Variants in SENP7 observed in about 807,000 individuals in gnomAD.
SENP7 encodes sentrin-specific protease 7.
SENP7 carries 64 observed loss-of-function variants against 141.2 expected under a neutral mutation model. That is an observed-to-expected ratio of 0.45 (90% CI 0.37 to 0.56). The LOEUF is 0.56. Among genes scored for constraint, SENP7 ranks in the 20% least tolerant of loss-of-function variants. The pLI, the probability that SENP7 is intolerant of heterozygous loss-of-function variation, is 0.00. For missense variants in SENP7, 1,025 were observed against 1,212.2 expected, an observed-to-expected ratio of 0.85 and a Z score of 2.29; for synonymous variants, 382 against 426.4, an observed-to-expected ratio of 0.90 and a Z score of 1.28.
intron 23 of SENP7, among the ~76,000 whole-genome samples, chr3:101,326,881 C>T (rs1195464838): frequency 6.8e-6 from 1 of 146,820 alleles, no homozygotes; most frequent in Non-Finnish European, 1.5e-5. Flanking sequence ...AAGCTCTGTT[C>T]TCTTCTTTAC....
At chr3:101,485,426 A>G (rs780676142) in intron 3 of SENP7, among the ~76,000 whole-genome samples, 16 of 152,166 alleles carry the variant, frequency 1.1e-4, no homozygotes, top group Non-Finnish European at 1.8e-4. Context: ...GATGACTCAC[A>G]TCACAGGACT....
At chr3:101,408,087 A>T (rs1313368536) in intron 5 of SENP7, among the ~76,000 whole-genome samples, 1 of 152,144 alleles carries the variant, frequency 6.6e-6, no homozygotes, top group Non-Finnish European at 1.5e-5. Context: ...AATAAGAAAC[A>T]AAACGGGAGA....
intron 4 of SENP7, among the ~76,000 whole-genome samples, chr3:101,448,928 G>A (rs986693972): frequency 6.0e-4 from 92 of 152,188 alleles, no homozygotes; most frequent in African/African-American, 1.4e-3. Context: ...AAACTACTCC[G>A]AGCTAAAGGA....
In SENP7 at chr3:101,325,990, G is replaced by A. The variant is rs1277219983; in HGVS notation, c.3106C>T (p.Leu1036Phe). 1 of 1,610,766 alleles carries A rather than the reference G, an allele frequency of 6.2e-7. No homozygotes were observed. The highest frequency in any genetic ancestry group is 8.5e-7 in the Non-Finnish European group (1 of 1,178,330). The change falls in exon 24 of 24, where the codon CTC becomes TTC. Residue 1036 changes from leucine to phenylalanine, a missense_variant. By Grantham distance (22) the Leu-to-Phe change is conservative. Around this residue, in one of 4 missense-constraint regions of SENP7, gnomAD observed 295 missense variants for 459.1 expected, o/e 0.64. Coordinates refer to ENST00000394095, the MANE Select transcript of SENP7 (RefSeq NM_020654.5). ...TGCTGTAAATGAAGTTTCAAGATGA[G>A]CTCTCGAATATCTTCCCGTTTGGTC... ...IKTKREDIRE[L>F]ILKLHLQQQK...
intron 11 of SENP7, chr3:101,357,986 A>G: frequency 1.6e-6 from 1 of 628,064 alleles, no homozygotes; most frequent in Non-Finnish European, 2.6e-6. Flanking sequence ...TTCACATAAG[A>G]AAATTCTTAT....
intron 3 of SENP7, among the ~76,000 whole-genome samples, chr3:101,470,254 C>A (rs990025726): frequency 6.6e-6 from 1 of 151,962 alleles, no homozygotes; most frequent in African/African-American, 2.4e-5. Context: ...GATAGAGACA[C>A]AAGGAGATTC....
chr3:101,378,782 T>G (rs1349165005), intron 6 of SENP7, among the ~76,000 whole-genome samples: 1 of 151,766 alleles, frequency 6.6e-6, no homozygotes, highest in Non-Finnish European at 1.5e-5. Context: ...AATCAAAGAT[T>G]TAAAAACAGT....
chr3:101,330,640 T>G (rs1436838385), intron 19 of SENP7, among the ~76,000 whole-genome samples: 1 of 152,192 alleles, frequency 6.6e-6, no homozygotes. Context: ...AGGCAAATTC[T>G]CTATAAAAAG....
intron 6 of SENP7, among the ~76,000 whole-genome samples, chr3:101,385,817 A>G (rs2060637502): frequency 6.6e-6 from 1 of 152,230 alleles, no homozygotes; most frequent in Non-Finnish European, 1.5e-5. Flanking sequence ...GAGAAGGTCC[A>G]TCTCTGCCAA....
chr3:101,333,172 A>G (rs975671406), intron 17 of SENP7: 4 of 292,330 alleles, frequency 1.4e-5, no homozygotes, highest in Non-Finnish European at 1.9e-5. Context: ...GCTTAGCTCC[A>G]TCTGGGCATG....
intron 20 of SENP7, 22 bp downstream of exon 20, chr3:101,330,312 C>T (rs2059015041): frequency 6.4e-7 from 1 of 1,565,622 alleles, no homozygotes; most frequent in African/African-American, 1.4e-5. Flanking sequence ...CCTTCCTTCC[C>T]ATCTGTAAAG....
chr3:101,426,239 T>C (rs1164377140), intron 4 of SENP7, among the ~76,000 whole-genome samples: 1 of 151,980 alleles, frequency 6.6e-6, no homozygotes, highest in Non-Finnish European at 1.5e-5. Context: ...CACAAGATCA[T>C]CCCAAAGACA....
chr3:101,378,429 C>T (rs2060399016), intron 6 of SENP7, among the ~76,000 whole-genome samples: 1 of 151,780 alleles, frequency 6.6e-6, no homozygotes. Context: ...TGGATGGGCT[C>T]ACTAGTAGAC....
intron 4 of SENP7, among the ~76,000 whole-genome samples, 180 bp from the exon 5 acceptor site, chr3:101,417,970 C>G (rs965239302): frequency 6.6e-6 from 1 of 152,058 alleles, no homozygotes; most frequent in Middle Eastern, 3.2e-3. Context: ...AAAGTAAAAT[C>G]TATTTCACTT....
At chr3:101,513,031 G>T in intron 1 of SENP7, 60 bp downstream of exon 1, 1 of 1,577,530 alleles carries the variant, frequency 6.3e-7, no homozygotes, top group Non-Finnish European at 8.7e-7. Flanking sequence ...TGCCGCCTGC[G>T]CCTCCCGTTT....
Position 101,403,344 on chromosome 3 carries a change from A to T in SENP7, c.483-4289T>A, listed in dbSNP as rs549366727. 9.7e-4 allele frequency among the ~76,000 whole-genome samples: 148 copies of T among 152,340 alleles called. 2 individuals carry two copies. Among genetic ancestry groups the T allele is most frequent in the African/African-American group, 3.1e-3 (130 of 41,572 alleles). ...ATAAAGACACTATGTTCATTTCATT[A>T]TGTTCCAGACAGCATAAAATTTTAG... On this transcript the variant is annotated intron_variant, in intron 5 of 23. Coordinates refer to ENST00000394095, the MANE Select transcript of SENP7 (RefSeq NM_020654.5).
chr3:101,332,892 T>C, intron 17 of SENP7, 30 bp from the exon 18 acceptor site: 1 of 1,553,414 alleles, frequency 6.4e-7, no homozygotes. Flanking sequence ...ATTTGATATA[T>C]AAAAATTTTT....
chr3:101,433,909 C>T (rs1432736812), intron 4 of SENP7, among the ~76,000 whole-genome samples: 2 of 152,106 alleles, frequency 1.3e-5, no homozygotes, highest in Non-Finnish European at 2.9e-5. Flanking sequence ...AAACATCAGA[C>T]TTAATCCACA....
intron 15 of SENP7, among the ~76,000 whole-genome samples, chr3:101,340,641 C>T (rs2059304744): frequency 6.6e-6 from 1 of 152,188 alleles, no homozygotes; most frequent in South Asian, 2.1e-4. Context: ...GAAAAGCCAG[C>T]AGTCAAAAAT....
Sources: allele counts gnomAD v4.1 joint callset (sites outside exome capture counted in the v4.1 genomes callset), GRCh38; gene constraint gnomAD v4.1.1; regional missense constraint gnomAD v4.1.1; transcripts MANE v1.5; gene names NCBI Gene and HGNC (gene_info 2026-07-23, HGNC 2026-07-21).